Variants in RABGAP1L observed in about 807,000 individuals in gnomAD.
RABGAP1L encodes rab GTPase-activating protein 1-like.
RABGAP1L carries 63 observed loss-of-function variants against 137.7 expected under a neutral mutation model. The observed-to-expected ratio is 0.46, with a 90% CI of 0.37 to 0.56. The LOEUF (loss-of-function observed/expected upper bound fraction) is 0.56, where lower values mean the gene tolerates loss of function less well. RABGAP1L is among the 20% of genes least tolerant of loss of function. The probability of loss-of-function intolerance (pLI) is 0.00; values close to 1 mark genes in which losing one functional copy is unlikely to be tolerated. For synonymous variants in RABGAP1L, 431 were observed against 433.7 expected, an observed-to-expected ratio of 0.99 and a Z score of 0.08; for missense variants, 1,095 against 1,244.0, an observed-to-expected ratio of 0.88 and a Z score of 1.80.
rs143285036 is a variant in RABGAP1L at position 174,416,019 on chromosome 1, C to CATATATATATATAT, written c.1710+21878_1710+21891dup. Reference sequence around the variant, plus strand: ...TTAAGGAATTTCCCTAGAAAATTTACATATATATATATATATACACACACA... The same window carrying CATATATATATATAT: ...TTAAGGAATTTCCCTAGAAAATTTACATATATATATATATATATATATATATATATACACACACA... On this transcript the variant is annotated intron_variant, in intron 13 of 25. Coordinates refer to ENST00000681986, the MANE Select transcript of RABGAP1L (RefSeq NM_001366446.1). Among the ~76,000 whole-genome samples, 1,026 of 128,986 alleles carry CATATATATATATAT rather than the reference C, an allele frequency of 8.0e-3. 50 individuals are homozygous for CATATATATATATAT. The highest frequency in any genetic ancestry group is 0.022 in the African/African-American group (595 of 27,322). 84.6% of individuals were successfully genotyped at this position (128,986 alleles called of 152,430 possible).
At chr1:174,196,305 G>C (rs1238467809) in intron 1 of RABGAP1L, among the ~76,000 whole-genome samples, 1 of 148,872 alleles carries the variant, frequency 6.7e-6, no homozygotes, top group Non-Finnish European at 1.5e-5. Flanking sequence ...CTCACTGCAA[G>C]CTCTGCCTCC....
At chr1:174,419,615 G>C (rs1651020599) in intron 13 of RABGAP1L, among the ~76,000 whole-genome samples, 1 of 152,166 alleles carries the variant, frequency 6.6e-6, no homozygotes. Context: ...TGGACACATA[G>C]TATAATTTAA....
chr1:174,766,060 A>G (rs1488185724), intron 18 of RABGAP1L, among the ~76,000 whole-genome samples: 2 of 152,180 alleles, frequency 1.3e-5, no homozygotes, highest in Non-Finnish European at 2.9e-5. Flanking sequence ...GCCCTAGTCC[A>G]ATATAACTAG....
chr1:174,915,420 T>A (rs901197430), intron 19 of RABGAP1L, among the ~76,000 whole-genome samples: 3 of 152,100 alleles, frequency 2.0e-5, no homozygotes, highest in Admixed American at 1.3e-4. Context: ...ATGCCCTTTA[T>A]ATATTTTCTT....
rs965692998 is a variant in RABGAP1L, at chr1:174,723,385, T to C, written c.2169+21129T>C. ...CCACTGTGCCCGTCCAAAATTTTTG[T>C]AAGTCAAAATTTTTTGAATATTGGC... On this transcript the variant is annotated intron_variant, in intron 17 of 25. Coordinates refer to ENST00000681986, the MANE Select transcript of RABGAP1L (RefSeq NM_001366446.1). Among the ~76,000 whole-genome samples, 6 of 152,330 alleles carry C rather than the reference T, an allele frequency of 3.9e-5. No individual in the cohort carries two copies. The South Asian group carries it at 6.2e-4, about 16-fold the overall frequency.
intron 14 of RABGAP1L, among the ~76,000 whole-genome samples, chr1:174,674,460 G>A (rs1239078119): frequency 6.7e-6 from 1 of 150,070 alleles, no homozygotes; most frequent in Non-Finnish European, 1.5e-5. Flanking sequence ...GTGTATATGT[G>A]CCACATTTTC....
intron 17 of RABGAP1L, among the ~76,000 whole-genome samples, chr1:174,735,900 TTCA>T (rs1558031937): frequency 1.3e-5 from 2 of 152,150 alleles, no homozygotes; most frequent in African/African-American, 4.8e-5. Context: ...GCTAAGCCCA[TTCA>T]TGAGGGATAC....
chr1:174,207,082 T>C (rs1182734794), intron 1 of RABGAP1L, among the ~76,000 whole-genome samples: 2 of 152,200 alleles, frequency 1.3e-5, no homozygotes, highest in African/African-American at 4.8e-5. Flanking sequence ...CTGTTCCTTA[T>C]TTCCGTATAT....
chr1:174,624,258 A>G (rs142030455), intron 13 of RABGAP1L, among the ~76,000 whole-genome samples: 68 of 152,304 alleles, frequency 4.5e-4, no homozygotes, highest in Non-Finnish European at 7.1e-4. Flanking sequence ...CTCCTGTGGA[A>G]GGCCACTTTC....
chr1:174,979,453 C>CTA (rs1460304930), intron 23 of RABGAP1L, among the ~76,000 whole-genome samples: 1 of 152,140 alleles, frequency 6.6e-6, no homozygotes, highest in Non-Finnish European at 1.5e-5. Flanking sequence ...AATAGAAAAA[C>CTA]CTTTTGATGA....
At chr1:174,487,005 T>C (rs1294201102) in intron 13 of RABGAP1L, among the ~76,000 whole-genome samples, 2 of 152,234 alleles carry the variant, frequency 1.3e-5, no homozygotes, top group Non-Finnish European at 2.9e-5. Flanking sequence ...TTTTTTCAGT[T>C]CTTTTTAATG....
chr1:174,870,896 C>A (rs918751426), intron 19 of RABGAP1L, among the ~76,000 whole-genome samples: 2 of 151,992 alleles, frequency 1.3e-5, no homozygotes, highest in African/African-American at 4.8e-5. Flanking sequence ...TGCCACAACA[C>A]CCGGCTAATT....
intron 12 of RABGAP1L, among the ~76,000 whole-genome samples, chr1:174,380,530 T>C (rs1024423474): frequency 1.4e-4 from 22 of 152,218 alleles, no homozygotes; most frequent in African/African-American, 5.3e-4. Context: ...AGTGTATGTG[T>C]CAAGGAATAT....
intron 13 of RABGAP1L, among the ~76,000 whole-genome samples, chr1:174,533,844 G>C (rs1012600880): frequency 1.1e-4 from 17 of 151,856 alleles, no homozygotes; most frequent in Non-Finnish European, 2.2e-4. Flanking sequence ...CAAATTTTTT[G>C]TATTTTTATT....
At chr1:174,673,118 A>G (rs1340924268) in intron 14 of RABGAP1L, among the ~76,000 whole-genome samples, 2 of 152,134 alleles carry the variant, frequency 1.3e-5, no homozygotes, top group Non-Finnish European at 1.5e-5. Flanking sequence ...ATGAGCTCAC[A>G]TACACCCATA....
chr1:174,875,584 A>G (rs768888375), intron 19 of RABGAP1L: 7 of 985,408 alleles, frequency 7.1e-6, no homozygotes, highest in Non-Finnish European at 8.4e-6. Flanking sequence ...AAAAATATGA[A>G]AGCAAGAGGA....
In RABGAP1L at chr1:174,342,766, G is replaced by A. The variant is rs886377156; in HGVS notation, c.1466-28213G>A. Among the ~76,000 whole-genome samples, 17 of 148,340 alleles carry A rather than the reference G, an allele frequency of 1.1e-4. 1 individual carries two copies. The highest frequency in any genetic ancestry group is 1.1e-3 in the South Asian group (5 of 4,726). ...TTTTTTTTTTTTTTTTTGAGATGGA[G>A]TCTTGCTTGTTGCCCAGGCTGGAGT... On this transcript the variant is annotated intron_variant, in intron 11 of 25. Coordinates refer to ENST00000681986, the MANE Select transcript of RABGAP1L (RefSeq NM_001366446.1).
chr1:174,551,279 A>G (rs1415773896), intron 13 of RABGAP1L, among the ~76,000 whole-genome samples: 2 of 151,750 alleles, frequency 1.3e-5, no homozygotes, highest in Admixed American at 6.6e-5. Flanking sequence ...AACATCACCA[A>G]GGTAGATCCC....
intron 12 of RABGAP1L, among the ~76,000 whole-genome samples, chr1:174,384,216 A>G (rs963797674): frequency 6.6e-6 from 1 of 152,216 alleles, no homozygotes; most frequent in African/African-American, 2.4e-5. Context: ...AAATTCTGGA[A>G]AAGTCAAAAC....
Sources: gnomAD v4.1 joint callset for allele counts (sites outside exome capture counted in the v4.1 genomes callset) on GRCh38, gnomAD v4.1.1 for gene constraint, MANE v1.5 for transcripts, NCBI Gene and HGNC (gene_info 2026-07-23, HGNC 2026-07-21) for gene names.